The following LIPC variants were observed in gnomAD, a reference collection of about 807,000 sequenced individuals.
The protein encoded by LIPC is hepatic triacylglycerol lipase.
Under a neutral mutation model 50.7 loss-of-function variants are expected in LIPC, and 44 were observed. The ratio of observed to expected loss-of-function variants is 0.87; its 90% CI spans 0.68 to 1.11. The LOEUF is 1.11. LIPC is among the 50% of genes most tolerant of loss of function. The pLI is 0.00. For synonymous variants in LIPC, 271 were observed against 256.4 expected (o/e 1.06, Z -0.54); for missense variants, 697 against 648.2 (o/e 1.08, Z -0.82).
intron 1 of LIPC, among the ~76,000 whole-genome samples, chr15:58,510,434 G>C (rs1892293975): frequency 6.6e-6 from 1 of 152,210 alleles, no homozygotes; most frequent in Admixed American, 6.5e-5. Context: ...AAAAGGCACA[G>C]AGACAGAGGT....
chr15:58,549,756 A>G (rs1893681214), intron 6 of LIPC, among the ~76,000 whole-genome samples: 2 of 152,214 alleles, frequency 1.3e-5, no homozygotes. Context: ...TGCGCACAGC[A>G]TCTGAAGAGT....
At chr15:58,552,166 G>A in intron 6 of LIPC, among the ~76,000 whole-genome samples, 1 of 152,222 alleles carries the variant, frequency 6.6e-6, no homozygotes, top group African/African-American at 2.4e-5. Flanking sequence ...TAACCGGGTG[G>A]AGAGGAGGGA....
At chr15:58,467,176 T>A (rs558675859) in intron 1 of LIPC, among the ~76,000 whole-genome samples, 18 of 152,332 alleles carry the variant, frequency 1.2e-4, no homozygotes, top group South Asian at 6.2e-4. Flanking sequence ...CAATGAAGCA[T>A]GAATCCAACT....
intron 8 of LIPC, chr15:58,565,292 C>G: frequency 6.5e-7 from 1 of 1,535,630 alleles, no homozygotes; most frequent in Non-Finnish European, 8.7e-7. Flanking sequence ...GAGCTCTGAC[C>G]CTGCCCAGAT....
intron 1 of LIPC, among the ~76,000 whole-genome samples, chr15:58,438,639 G>A (rs1363536883): frequency 2.0e-5 from 3 of 152,190 alleles, no homozygotes; most frequent in Non-Finnish European, 1.5e-5. Context: ...ACCTACTTGG[G>A]GCGAGAAGAC....
intron 1 of LIPC, among the ~76,000 whole-genome samples, chr15:58,507,338 GGGAA>G (rs150814777): frequency 0.017 from 2,551 of 151,728 alleles, 73 homozygotes; most frequent in African/African-American, 0.058. Flanking sequence ...GAGAGGAGGA[GGGAA>G]GGAAGGAAGG....
chr15:58,471,338 T>TGG (rs1890798045), intron 1 of LIPC, among the ~76,000 whole-genome samples: 1 of 91,594 alleles, frequency 1.1e-5, no homozygotes, highest in Admixed American at 1.2e-4. Context: ...TGGGGGGGGG[T>TGG]GGTCTCACCA....
At chr15:58,493,868 C>T (rs935265955) in intron 1 of LIPC, among the ~76,000 whole-genome samples, 7 of 151,956 alleles carry the variant, frequency 4.6e-5, no homozygotes, top group African/African-American at 7.3e-5. Flanking sequence ...CTTCATGAGA[C>T]GCACAGGAAG....
chr15:58,451,108 G>T (rs934610640), intron 1 of LIPC, among the ~76,000 whole-genome samples: 9 of 152,190 alleles, frequency 5.9e-5, no homozygotes, highest in African/African-American at 1.7e-4. Flanking sequence ...CAAGCAATCG[G>T]TTGGGATTCA....
chr15:58,547,169 G>C (rs181388910), intron 5 of LIPC, among the ~76,000 whole-genome samples: 3 of 152,180 alleles, frequency 2.0e-5, no homozygotes, highest in African/African-American at 7.2e-5. Flanking sequence ...GCTTGCCCAA[G>C]CTTGGGCTGG....
Position 58,479,675 on chromosome 15 carries a change from C to A in LIPC, c.88+47555C>A, listed in dbSNP as rs552968392. On this transcript the variant is annotated intron_variant, in intron 1 of 8. Transcript: ENST00000299022. Reference sequence around the variant, plus strand: ...ACCACAGAAATGCCATCTTTTCTTACAGAATTGTTTTGTTACAAGGGTATG... The same window carrying A: ...ACCACAGAAATGCCATCTTTTCTTAAAGAATTGTTTTGTTACAAGGGTATG... Among the ~76,000 whole-genome samples, 138 of 152,320 alleles carry A rather than the reference C, an allele frequency of 9.1e-4. 1 individual carries two copies. The highest frequency in any genetic ancestry group is 3.2e-3 in the African/African-American group (135 of 41,552).
intron 1 of LIPC, among the ~76,000 whole-genome samples, chr15:58,475,370 C>G (rs1890955154): frequency 6.6e-6 from 1 of 152,232 alleles, no homozygotes; most frequent in Non-Finnish European, 1.5e-5. Flanking sequence ...ATAGAAAAGG[C>G]AGACAGCCCG....
intron 1 of LIPC, among the ~76,000 whole-genome samples, chr15:58,463,110 C>T (rs1894415263): frequency 6.6e-6 from 1 of 152,218 alleles, no homozygotes; most frequent in Non-Finnish European, 1.5e-5. Flanking sequence ...AGCCAAGGGC[C>T]AGCTCCCCAG....
chr15:58,454,210 A>C (rs966582268), intron 1 of LIPC: 9 of 152,220 alleles, frequency 5.9e-5, no homozygotes, highest in African/African-American at 2.2e-4. Context: ...GGAGCAAATA[A>C]CCAGAGAAAT....
At chr15:58,559,981 A>T (rs1337262635) in intron 6 of LIPC, among the ~76,000 whole-genome samples, 2 of 152,230 alleles carry the variant, frequency 1.3e-5, no homozygotes, top group African/African-American at 4.8e-5. Flanking sequence ...ACTTTCATCT[A>T]TCTGAGCTCC....
intron 6 of LIPC, among the ~76,000 whole-genome samples, chr15:58,549,124 G>T (rs1198115048): frequency 6.6e-6 from 1 of 152,192 alleles, no homozygotes; most frequent in Non-Finnish European, 1.5e-5. Context: ...CAGAAAGTGG[G>T]CCCAGCAGCT....
intron 6 of LIPC, among the ~76,000 whole-genome samples, chr15:58,560,152 C>T (rs549702834): frequency 5.9e-5 from 9 of 152,174 alleles, no homozygotes; most frequent in Non-Finnish European, 1.0e-4. Flanking sequence ...AAGCCATTTG[C>T]TTTCAGTAAC....
At chr15:58,440,757 T>C (rs772916188) in intron 1 of LIPC, among the ~76,000 whole-genome samples, 9 of 151,614 alleles carry the variant, frequency 5.9e-5, no homozygotes, top group Non-Finnish European at 8.8e-5. Flanking sequence ...ACAGAGGAGG[T>C]GATATCTGAG....
At chr15:58,508,367 G>C (rs755341385) in intron 1 of LIPC, among the ~76,000 whole-genome samples, 4 of 152,038 alleles carry the variant, frequency 2.6e-5, no homozygotes, top group Non-Finnish European at 4.4e-5. Flanking sequence ...AAATTAAGCC[G>C]ATCATCCCCA....
Sources: allele counts gnomAD v4.1 joint callset (sites outside exome capture counted in the v4.1 genomes callset), GRCh38; gene constraint gnomAD v4.1.1; transcripts MANE v1.5; gene names NCBI Gene and HGNC (gene_info 2026-07-23, HGNC 2026-07-21).